POGLUT3: variants seen among roughly 807,000 people sequenced by gnomAD.
The protein encoded by POGLUT3 is protein O-glucosyltransferase 3, also known as KDEL (Lys-Asp-Glu-Leu) containing 2.
A neutral mutation model predicts 54.3 loss-of-function variants in POGLUT3; 48 were observed. The observed-to-expected ratio is 0.88, with a 90% CI of 0.70 to 1.12. POGLUT3 has a LOEUF of 1.12. Ranked by LOEUF, POGLUT3 falls within the 50% of genes most tolerant of loss-of-function variation. The pLI, the probability that POGLUT3 is intolerant of heterozygous loss-of-function variation, is 0.00. For missense variants in POGLUT3, 629 were observed against 618.7 expected (o/e 1.02, Z -0.18); for synonymous variants, 218 against 237.4 (o/e 0.92, Z 0.75).
At chr11:108,482,572 C>T (rs556706570) in intron 3 of POGLUT3, among the ~76,000 whole-genome samples, 1 of 152,064 alleles carries the variant, frequency 6.6e-6, no homozygotes, top group African/African-American at 2.4e-5. Context: ...CATGGTGAAA[C>T]CCTGTCTCTA....
At chr11:108,489,232 G>A (rs1176551162) in intron 2 of POGLUT3, among the ~76,000 whole-genome samples, 2 of 152,148 alleles carry the variant, frequency 1.3e-5, no homozygotes, top group African/African-American at 4.8e-5. Context: ...ATGAACCACA[G>A]GATAGTTTCA....
At position 108,491,020 on chromosome 11, in the gene POGLUT3, T is replaced by A. The variant is rs1196911025; in HGVS notation, c.350A>T (p.Glu117Val). The change falls in exon 2 of 8, where the codon GAG becomes GTG. Residue 117 changes from glutamate (E) to valine (V), a missense_variant. Glu to Val is a moderately radical substitution (Grantham distance 121). Coordinates refer to ENST00000323468, the MANE Select transcript of POGLUT3 (RefSeq NM_153705.5). ...CACATGTTCATCACCATAAAGGACCTCTATCTTCAGGCCTTCATCGACAGT... is the reference window on the plus strand; with the variant it reads ...CACATGTTCATCACCATAAAGGACCACTATCTTCAGGCCTTCATCGACAGT... Reference protein sequence around the residue: ...YETVDEGLKIEVLYGDEHVAQ... With the variant: ...YETVDEGLKIVVLYGDEHVAQ... 1 of 1,614,022 alleles carries A rather than the reference T, an allele frequency of 6.2e-7. No homozygotes were observed. The highest frequency in any genetic ancestry group is 8.5e-7 in the Non-Finnish European group (1 of 1,179,902).
intron 1 of POGLUT3, among the ~76,000 whole-genome samples, chr11:108,495,296 CAGT>C (rs1402269260): frequency 6.6e-6 from 1 of 151,952 alleles, no homozygotes; most frequent in East Asian, 1.9e-4. Context: ...TCAGCCTCCC[CAGT>C]AGCTGGGACC....
rs1246705995 is a variant in POGLUT3, at chr11:108,479,888, T to C, written c.1099-393A>G. Among the ~76,000 whole-genome samples the C allele has an allele frequency of 5.9e-5, 9 of 152,242 alleles. No homozygotes were observed. In the East Asian group the frequency reaches 1.3e-3, roughly 23 times the overall value. ...TTGCTCTGTCACCCAGGCTGGAGTGTAGCGGCGTGATCTTGGCTCACTGCA... is the reference window on the plus strand; with the variant it reads ...TTGCTCTGTCACCCAGGCTGGAGTGCAGCGGCGTGATCTTGGCTCACTGCA... On this transcript the variant is annotated intron_variant, in intron 5 of 7. Transcript: ENST00000323468.
chr11:108,493,925 G>A (rs985054137), intron 1 of POGLUT3, among the ~76,000 whole-genome samples: 1 of 152,060 alleles, frequency 6.6e-6, no homozygotes, highest in East Asian at 1.9e-4. Flanking sequence ...AAAGGAGGTT[G>A]GCAGCATCAA....
At chr11:108,489,267 T>A (rs183698877) in intron 2 of POGLUT3, among the ~76,000 whole-genome samples, 13 of 152,308 alleles carry the variant, frequency 8.5e-5, no homozygotes, top group Admixed American at 2.6e-4. Context: ...GTAATTAGTA[T>A]CCTTGAAGGT....
At position 108,482,030 on chromosome 11, in the gene POGLUT3, G is replaced by C. The variant is rs963679885; in HGVS notation, c.877C>G (p.Leu293Val). 1 of 1,613,618 alleles carries C rather than the reference G, an allele frequency of 6.2e-7. No individual in the cohort carries two copies. The highest frequency in any genetic ancestry group is 8.5e-7 in the Non-Finnish European group (1 of 1,179,710). Residue 293 changes from leucine to valine, a missense_variant, in exon 4 of 8, where the codon CTC becomes GTC. Transcript: ENST00000323468. ...LEAMRGVTNDLLSIQGNTGPS... is the reference protein window; with the variant it reads ...LEAMRGVTNDVLSIQGNTGPS... ...CCTGTATTTCCCTGAATAGAGAGGA[G>C]ATCATTTGTAACACCCCGCATGGCT...
At chr11:108,484,070 T>C (rs1285478332) in intron 3 of POGLUT3, among the ~76,000 whole-genome samples, 1 of 152,164 alleles carries the variant, frequency 6.6e-6, no homozygotes, top group Non-Finnish European at 1.5e-5. Flanking sequence ...TGGGGCTGGA[T>C]AATTCTTTGC....
At chr11:108,483,939 G>A (rs2093597672) in intron 3 of POGLUT3, among the ~76,000 whole-genome samples, 1 of 152,106 alleles carries the variant, frequency 6.6e-6, no homozygotes, top group African/African-American at 2.4e-5. Context: ...AGAGTGCTAG[G>A]ATGACAGGTG....
chr11:108,480,036 A>G (rs2093589594), intron 5 of POGLUT3, among the ~76,000 whole-genome samples: 1 of 152,100 alleles, frequency 6.6e-6, no homozygotes, highest in South Asian at 2.1e-4. Context: ...GGGTTTCCCC[A>G]TGTTGGCCAG....
chr11:108,498,151 C>T lies in POGLUT3; in HGVS notation c.202+14G>A. On this transcript the variant is annotated intron_variant, in intron 1 of 7. Coordinates refer to ENST00000323468, the MANE Select transcript of POGLUT3 (RefSeq NM_153705.5). ...CCGGCCGCGGGACGAGGGAGGCCGG[C>T]GGCTGGACACTACCTGCGGGAGAGC... is the stretch of plus-strand genomic sequence containing the variant. The T allele has an allele frequency of 2.0e-6, 3 of 1,500,374 alleles. No individual in the cohort carries two copies. The highest frequency in any genetic ancestry group is 1.8e-6 in the Non-Finnish European group (2 of 1,125,082). 92.9% of individuals were successfully genotyped at this position (1,500,374 alleles called of 1,614,324 possible). A position where few individuals can be genotyped will look rare whatever the true frequency, so the allele number is the denominator to read the frequency against.
chr11:108,482,022 A>G lies in POGLUT3; in HGVS notation c.885T>C (p.Ser295=), dbSNP rs2135851468. Residue 295 remains serine, a synonymous_variant, in exon 4 of 8, where the codon TCT becomes TCC. Transcript: ENST00000323468. The stretch of plus-strand genomic sequence containing the variant: ...CCTGAATACCTGTATTTCCCTGAAT[A>G]GAGAGGAGATCATTTGTAACACCCC... ...AMRGVTNDLL[S]IQGNTGPSWI... The G allele has an allele frequency of 1.2e-6, 2 of 1,613,466 alleles. No individual in the cohort carries two copies. The highest frequency in any genetic ancestry group is 1.7e-6 in the Non-Finnish European group (2 of 1,179,432).
chr11:108,491,623 A>C (rs1591645358), intron 1 of POGLUT3: 1 of 176,650 alleles, frequency 5.7e-6, no homozygotes, highest in East Asian at 1.5e-4. Context: ...CCTGACTTCA[A>C]GCGATCCCCA....
Position 108,486,352 on chromosome 11 carries a change from A to C in POGLUT3, c.489T>G (p.Ile163Met), listed in dbSNP as rs368091500. The C allele has an allele frequency of 6.2e-7, 1 of 1,614,072 alleles. No individual in the cohort carries two copies. Among genetic ancestry groups the C allele is most frequent in the Non-Finnish European group, 8.5e-7 (1 of 1,180,044 alleles). ...TGGGAAAGGAAGCAAAATCTTTTGC[A>C]ATCTGTGGTTCCTTGGTTGGACAAG... The part of the protein sequence containing the change: ...TLSCPTKEPQ[I>M]AKDFASFPSI... Residue 163 changes from isoleucine to methionine, a missense_variant, in exon 3 of 8, where the codon ATT becomes ATG. Ile to Met is a conservative substitution (Grantham distance 10, BLOSUM62 1). Transcript: ENST00000323468.
chr11:108,479,092 A>C (rs2093587553), intron 6 of POGLUT3, among the ~76,000 whole-genome samples: 1 of 152,240 alleles, frequency 6.6e-6, no homozygotes, highest in East Asian at 1.9e-4. Context: ...CTGGACTTCA[A>C]ATCTTCTGAA....
Position 108,477,544 on chromosome 11 carries a change from C to T in POGLUT3, c.1398+63G>A, listed in dbSNP as rs554003071. ...TTCAGGAAGCCAGGCAGGAAGTGTA[C>T]AGGCCAAGCGGGTAGTCTGAGGACA... On this transcript the variant is annotated intron_variant, in intron 7 of 7. Transcript: ENST00000323468. 9.4e-6 allele frequency: 9 copies of T among 960,960 alleles called. 1 individual carries two copies. Among genetic ancestry groups the T allele is most frequent in the Admixed American group, 8.3e-5 (4 of 48,296 alleles). The allele number at this position is 960,960 out of a possible 1,614,324, so 59.5% of individuals were successfully genotyped here.
intron 7 of POGLUT3, among the ~76,000 whole-genome samples, chr11:108,476,182 G>A (rs1449929558): frequency 6.6e-6 from 1 of 152,160 alleles, no homozygotes; most frequent in Non-Finnish European, 1.5e-5. Flanking sequence ...TGCCCAGGCT[G>A]GAGTGCAGTG....
At chr11:108,487,591 T>G (rs1405759048) in intron 2 of POGLUT3, among the ~76,000 whole-genome samples, 1 of 152,130 alleles carries the variant, frequency 6.6e-6, no homozygotes, top group Non-Finnish European at 1.5e-5. Flanking sequence ...CTTTCTTTTA[T>G]TTTTGTTTTT....
At position 108,479,494 on chromosome 11, in the gene POGLUT3, T is replaced by C; in HGVS notation, c.1100A>G (p.Tyr367Cys). Residue 367 changes from tyrosine to cysteine, a missense_variant and splice_region_variant, in exon 6 of 8, where the codon TAC becomes TGC. Physicochemically the swap from Tyr to Cys is radical, Grantham distance 194 (BLOSUM62 -2). Transcript: ENST00000323468. ...KLMGFFDFFK[Y>C]KYQVNVDGTV... Reference sequence around the variant, plus strand: ...CCCATCCACATTTACTTGATACTTGTACTGGAAGATGAAAAACAAACATAA... The same window carrying C: ...CCCATCCACATTTACTTGATACTTGCACTGGAAGATGAAAAACAAACATAA... 6.3e-7 allele frequency: 1 copy of C among 1,578,458 alleles called. No homozygotes were observed. The highest frequency in any genetic ancestry group is 1.2e-5 in the South Asian group (1 of 84,990).
Sources: gnomAD v4.1 joint callset for allele counts (sites outside exome capture counted in the v4.1 genomes callset) on GRCh38, gnomAD v4.1.1 for gene constraint, MANE v1.5 for transcripts, NCBI Gene and HGNC (gene_info 2026-07-23, HGNC 2026-07-21) for gene names.